The following GSK3B variants were observed in gnomAD, a reference collection of about 807,000 sequenced individuals.
GSK3B encodes glycogen synthase kinase 3 beta, also known as glycogen synthase kinase-3 beta.
In GSK3B, 15 loss-of-function variants were observed where a neutral mutation model predicts 56.4. The ratio of observed to expected loss-of-function variants is 0.27; its 90% CI spans 0.18 to 0.41. The LOEUF (loss-of-function observed/expected upper bound fraction) is 0.41, where lower values mean the gene tolerates loss of function less well. Among genes scored for constraint, GSK3B ranks in the 10% least tolerant of loss-of-function variants. The pLI, the probability that GSK3B is intolerant of heterozygous loss-of-function variation, is 1.00. For synonymous variants in GSK3B, 181 were observed against 188.9 expected, an observed-to-expected ratio of 0.96 and a Z score of 0.34; for missense variants, 300 against 513.4, an observed-to-expected ratio of 0.58 and a Z score of 4.02.
rs184831667 is a variant in GSK3B at position 119,829,686 on chromosome 3, T to C, written c.1196-2831A>G. On this transcript the variant is annotated intron_variant, in intron 10 of 10. Coordinates refer to ENST00000264235, the MANE Select transcript of GSK3B (RefSeq NM_001146156.2). ...GAGCTTGTGACATTGCCAAAACCAG[T>C]CTCCTCTTTCTTGGATAAATTCAAC... 6.0e-4 allele frequency among the ~76,000 whole-genome samples: 92 copies of C among 152,308 alleles called. 2 individuals carry two copies. In the East Asian group the frequency reaches 0.017, roughly 28 times the overall value.
At chr3:120,015,451 C>T (rs1183158757) in intron 1 of GSK3B, among the ~76,000 whole-genome samples, 2 of 151,614 alleles carry the variant, frequency 1.3e-5, no homozygotes, top group African/African-American at 4.8e-5. Flanking sequence ...GAGTTCGAGA[C>T]CAGCCTGGCC....
At chr3:119,949,808 A>AAG (rs1377347933) in intron 2 of GSK3B, among the ~76,000 whole-genome samples, 1 of 151,832 alleles carries the variant, frequency 6.6e-6, no homozygotes, top group Non-Finnish European at 1.5e-5. Flanking sequence ...AAAAAAAAAA[A>AAG]AAAAAAGCAT....
chr3:119,914,441 A>T (rs2056763075), intron 5 of GSK3B, among the ~76,000 whole-genome samples: 1 of 152,080 alleles, frequency 6.6e-6, no homozygotes, highest in African/African-American at 2.4e-5. Flanking sequence ...TTGACACTAT[A>T]TGAGAACAGA....
intron 3 of GSK3B, among the ~76,000 whole-genome samples, chr3:119,932,809 C>T (rs2107476162): frequency 6.6e-6 from 1 of 152,158 alleles, no homozygotes; most frequent in Non-Finnish European, 1.5e-5. Context: ...AGTATTCAAA[C>T]AGAAAACATG....
chr3:119,890,372 A>C (rs1259793478), intron 7 of GSK3B, among the ~76,000 whole-genome samples: 8 of 152,144 alleles, frequency 5.3e-5, no homozygotes, highest in Admixed American at 5.2e-4. Flanking sequence ...CTGAGCAAAA[A>C]AAGCCAGATA....
At chr3:119,950,242 T>C (rs2057144223) in intron 2 of GSK3B, among the ~76,000 whole-genome samples, 1 of 152,236 alleles carries the variant, frequency 6.6e-6, no homozygotes, top group African/African-American at 2.4e-5. Context: ...GACCTAAATA[T>C]TCATCTATGT....
intron 6 of GSK3B, among the ~76,000 whole-genome samples, chr3:119,911,578 C>T (rs528296230): frequency 2.6e-5 from 4 of 152,246 alleles, no homozygotes; most frequent in South Asian, 4.1e-4. Flanking sequence ...AAGTCCTAAA[C>T]GGTATCTTCT....
chr3:120,018,469 A>G (rs902855904), intron 1 of GSK3B, among the ~76,000 whole-genome samples: 3 of 152,214 alleles, frequency 2.0e-5, no homozygotes, highest in African/African-American at 4.8e-5. Flanking sequence ...TGCCCCATGT[A>G]TAACAGCAAT....
At chr3:120,008,536 G>A (rs936701980) in intron 1 of GSK3B, among the ~76,000 whole-genome samples, 2 of 152,060 alleles carry the variant, frequency 1.3e-5, no homozygotes, top group African/African-American at 4.8e-5. Flanking sequence ...ATAGAACAGA[G>A]GCCTCAGAAA....
intron 2 of GSK3B, among the ~76,000 whole-genome samples, chr3:119,985,448 A>G (rs2057506839): frequency 6.6e-6 from 1 of 152,220 alleles, no homozygotes; most frequent in African/African-American, 2.4e-5. Context: ...CCACCGTCTC[A>G]GCCCAAAATC....
chr3:120,029,997 T>C, intron 1 of GSK3B: 1 of 429,264 alleles, frequency 2.3e-6, no homozygotes. Flanking sequence ...CCCAGTGTTT[T>C]CAGCTGTGTC....
At chr3:120,023,690 G>A (rs2057899029) in intron 1 of GSK3B, among the ~76,000 whole-genome samples, 1 of 151,996 alleles carries the variant, frequency 6.6e-6, no homozygotes, top group Non-Finnish European at 1.5e-5. Flanking sequence ...TTTGTCCTAG[G>A]TATCTCCAAT....
At chr3:119,985,585 T>C (rs772620994) in intron 2 of GSK3B, among the ~76,000 whole-genome samples, 4 of 152,148 alleles carry the variant, frequency 2.6e-5, no homozygotes, top group Non-Finnish European at 4.4e-5. Flanking sequence ...CCATTCACAA[T>C]TGCTACAAAG....
rs574434046 is a variant in GSK3B at position 119,957,969 on chromosome 3, C to T, written c.283-10618G>A. Among the ~76,000 whole-genome samples the T allele has an allele frequency of 1.3e-4, 20 of 152,276 alleles. No individual in the cohort carries two copies. In the South Asian group the frequency reaches 2.5e-3, roughly 19 times the overall value. ...AAGATACTGATACGGTTTGGCTCCA[C>T]GTCCCCACCCAAATCTCATCTCGAA... On this transcript the variant is annotated intron_variant, in intron 2 of 10. Transcript: ENST00000264235.
At chr3:120,038,863 C>T (rs969193554) in intron 1 of GSK3B, among the ~76,000 whole-genome samples, 4 of 148,494 alleles carry the variant, frequency 2.7e-5, no homozygotes, top group Admixed American at 2.0e-4. Context: ...AAATTAAAAA[C>T]TTCTGCTCTT....
At chr3:119,864,254 G>T (rs991951257) in intron 8 of GSK3B, among the ~76,000 whole-genome samples, 4 of 151,440 alleles carry the variant, frequency 2.6e-5, no homozygotes, top group Admixed American at 2.6e-4. Flanking sequence ...TAATCAAGGA[G>T]AAAAAAATGT....
intron 2 of GSK3B, among the ~76,000 whole-genome samples, chr3:119,990,011 G>A (rs1314904748): frequency 1.3e-5 from 2 of 152,020 alleles, no homozygotes; most frequent in African/African-American, 4.8e-5. Context: ...TCTTGGACAA[G>A]CCCCTCATTC....
intron 1 of GSK3B, among the ~76,000 whole-genome samples, chr3:120,025,270 G>T (rs912352730): frequency 1.1e-4 from 17 of 152,208 alleles, no homozygotes; most frequent in Admixed American, 7.9e-4. Context: ...CTTGAACTCA[G>T]GAGGCGGAAG....
intron 7 of GSK3B, among the ~76,000 whole-genome samples, chr3:119,903,215 T>C (rs1333211247): frequency 6.6e-6 from 1 of 152,154 alleles, no homozygotes; most frequent in East Asian, 1.9e-4. Flanking sequence ...ATTCCATCTA[T>C]CCTGGGCAGC....
Sources: allele counts gnomAD v4.1 joint callset (sites outside exome capture counted in the v4.1 genomes callset), GRCh38; gene constraint gnomAD v4.1.1; transcripts MANE v1.5; gene names NCBI Gene and HGNC (gene_info 2026-07-23, HGNC 2026-07-21).